The following DLG2 variants were observed in gnomAD, a reference collection of about 807,000 sequenced individuals.
DLG2 encodes disks large homolog 2.
In DLG2, 45 loss-of-function variants were observed where a neutral mutation model predicts 132.5. The ratio of observed to expected loss-of-function variants is 0.34; its 90% CI spans 0.27 to 0.44. DLG2 has a LOEUF of 0.44. Ranked by LOEUF, DLG2 falls within the 20% of genes least tolerant of loss-of-function variation. The probability of loss-of-function intolerance (pLI) is 1.00; values close to 1 mark genes in which losing one functional copy is unlikely to be tolerated. For synonymous variants in DLG2, 424 were observed against 419.6 expected, an observed-to-expected ratio of 1.01 and a Z score of -0.13; for missense variants, 1,045 against 1,196.9, an observed-to-expected ratio of 0.87 and a Z score of 1.87.
chr11:84,697,277 C>T (rs563252968), intron 6 of DLG2, among the ~76,000 whole-genome samples: 8 of 151,390 alleles, frequency 5.3e-5, no homozygotes, highest in Non-Finnish European at 8.9e-5. Flanking sequence ...AGTATAATCA[C>T]AAAGAATCTA....
rs1555151886 is a variant in DLG2 at position 83,520,695 on chromosome 11, G to GTAGGTAGA, written c.2193+12012_2193+12013insTCTACCTA. On this transcript the variant is annotated intron_variant, in intron 21 of 27. Coordinates refer to ENST00000376104, the MANE Select transcript of DLG2 (RefSeq NM_001142699.3). Reference sequence around the variant, plus strand: ...GAAAGACAGACAGGTAAGTAGGTAGGTAGATAGATAGATAGATAGATAGAT... The same window carrying GTAGGTAGA: ...GAAAGACAGACAGGTAAGTAGGTAGGTAGGTAGATAGATAGATAGATAGATAGATAGAT... 1.2e-3 allele frequency among the ~76,000 whole-genome samples: 184 copies of GTAGGTAGA among 149,150 alleles called. 2 individuals are homozygous for GTAGGTAGA. Among genetic ancestry groups the GTAGGTAGA allele is most frequent in the African/African-American group, 3.1e-3 (124 of 40,464 alleles).
intron 7 of DLG2, among the ~76,000 whole-genome samples, chr11:84,400,138 T>G (rs923007129): frequency 1.3e-5 from 2 of 152,204 alleles, no homozygotes; most frequent in African/African-American, 4.8e-5. Flanking sequence ...GAAATTTAAA[T>G]GTAAAAATAT....
intron 10 of DLG2, among the ~76,000 whole-genome samples, chr11:84,063,529 G>A (rs1325773493): frequency 1.9e-5 from 1 of 52,506 alleles, no homozygotes; most frequent in African/African-American, 3.9e-5. Flanking sequence ...ACTCTCTCAA[G>A]GTACTAAATA....
At chr11:84,886,056 A>G (rs1230404345) in intron 6 of DLG2, among the ~76,000 whole-genome samples, 17 of 152,078 alleles carry the variant, frequency 1.1e-4, no homozygotes, top group Non-Finnish European at 1.6e-4. Context: ...CTCATGAGGG[A>G]GATAGACTCA....
chr11:84,756,499 C>G (rs547528732), intron 6 of DLG2, among the ~76,000 whole-genome samples: 3 of 152,164 alleles, frequency 2.0e-5, no homozygotes, highest in Non-Finnish European at 4.4e-5. Context: ...ATCTCTAGTT[C>G]TACCACTTTC....
chr11:84,282,650 G>C (rs1248749577), intron 7 of DLG2, among the ~76,000 whole-genome samples: 2 of 152,162 alleles, frequency 1.3e-5, no homozygotes, highest in African/African-American at 4.8e-5. Flanking sequence ...AAGAGGGGTT[G>C]GGGGAGAAAA....
At chr11:84,435,735 AG>A (rs2098998546) in intron 7 of DLG2, among the ~76,000 whole-genome samples, 1 of 152,190 alleles carries the variant, frequency 6.6e-6, no homozygotes, top group African/African-American at 2.4e-5. Context: ...TAGCTCCTTA[AG>A]AAGCAGAAGC....
At chr11:85,239,879 T>C (rs978846188) in intron 4 of DLG2, among the ~76,000 whole-genome samples, 15 of 151,982 alleles carry the variant, frequency 9.9e-5, no homozygotes, top group African/African-American at 3.6e-4. Context: ...TTTCAAACTC[T>C]ACAAAATCTG....
intron 3 of DLG2, among the ~76,000 whole-genome samples, chr11:85,489,932 T>C (rs1488232335): frequency 6.6e-6 from 1 of 152,102 alleles, no homozygotes; most frequent in Non-Finnish European, 1.5e-5. Flanking sequence ...TGTCCAGGTG[T>C]GGTGCAGCAC....
chr11:85,378,392 T>C (rs912398002), intron 3 of DLG2, among the ~76,000 whole-genome samples: 3 of 152,136 alleles, frequency 2.0e-5, no homozygotes, highest in Non-Finnish European at 2.9e-5. Context: ...CCCAATTTCA[T>C]CACTTACAAG....
At chr11:85,386,730 T>C (rs1459653015) in intron 3 of DLG2, among the ~76,000 whole-genome samples, 1 of 151,692 alleles carries the variant, frequency 6.6e-6, no homozygotes, top group Non-Finnish European at 1.5e-5. Context: ...TTTATTTCTG[T>C]TTGTAGCTGT....
At chr11:85,413,230 T>C (rs896877836) in intron 3 of DLG2, among the ~76,000 whole-genome samples, 2 of 152,034 alleles carry the variant, frequency 1.3e-5, no homozygotes, top group African/African-American at 2.4e-5. Flanking sequence ...TGTCTATTCA[T>C]GTCCTTAGCC....
At chr11:85,393,147 CA>C (rs1260414842) in intron 3 of DLG2, among the ~76,000 whole-genome samples, 1 of 151,998 alleles carries the variant, frequency 6.6e-6, no homozygotes, top group African/African-American at 2.4e-5. Flanking sequence ...ACAATCCTAT[CA>C]AAAAGTGGGC....
intron 18 of DLG2, among the ~76,000 whole-genome samples, chr11:83,709,980 G>T (rs538924234): frequency 6.6e-6 from 1 of 152,270 alleles, no homozygotes; most frequent in South Asian, 2.1e-4. Context: ...TCTCACTGTT[G>T]TGGGTGAGCA....
intron 12 of DLG2, among the ~76,000 whole-genome samples, chr11:83,965,833 A>G (rs1386758843): frequency 6.6e-6 from 1 of 151,996 alleles, no homozygotes; most frequent in African/African-American, 2.4e-5. Flanking sequence ...ATCATTCATC[A>G]TCTCCCTACT....
intron 17 of DLG2, among the ~76,000 whole-genome samples, chr11:83,805,878 T>G (rs1237355435): frequency 6.6e-6 from 1 of 152,112 alleles, no homozygotes; most frequent in African/African-American, 2.4e-5. Context: ...GTGGAAAAAG[T>G]GAGGCACAGA....
chr11:84,277,631 A>G (rs997779402), intron 7 of DLG2, among the ~76,000 whole-genome samples: 1 of 152,204 alleles, frequency 6.6e-6, no homozygotes, highest in Non-Finnish European at 1.5e-5. Flanking sequence ...GTAGTGTCAA[A>G]TTACTGACTT....
intron 17 of DLG2, among the ~76,000 whole-genome samples, chr11:83,787,563 C>T (rs943608797): frequency 3.3e-5 from 5 of 151,838 alleles, no homozygotes; most frequent in Admixed American, 6.6e-5. Flanking sequence ...CCTCGTGATC[C>T]GCCTGCCTCG....
chr11:84,899,650 A>T (rs1227671), intron 6 of DLG2, among the ~76,000 whole-genome samples: 25,458 of 151,942 alleles, frequency 0.17, 3,045 homozygotes, highest in East Asian at 0.56. Context: ...AAATAAAGCT[A>T]CCCCATAATC....
Sources: allele counts gnomAD v4.1 joint callset (sites outside exome capture counted in the v4.1 genomes callset), GRCh38; gene constraint gnomAD v4.1.1; transcripts MANE v1.5; gene names NCBI Gene and HGNC (gene_info 2026-07-23, HGNC 2026-07-21).